HS6ST2: variants seen among roughly 807,000 people sequenced by gnomAD.
The protein encoded by HS6ST2 is heparan-sulfate 6-O-sulfotransferase 2.
A neutral mutation model predicts 33.0 loss-of-function variants in HS6ST2; 17 were observed. The ratio of observed to expected loss-of-function variants is 0.52; its 90% CI spans 0.35 to 0.77. The LOEUF is 0.77. Ranked by LOEUF, HS6ST2 falls within the 30% of genes least tolerant of loss-of-function variation. The probability of loss-of-function intolerance (pLI) is 0.01; values close to 1 mark genes in which losing one functional copy is unlikely to be tolerated. For missense variants in HS6ST2, 519 were observed against 551.7 expected (o/e 0.94, Z 0.59); for synonymous variants, 248 against 237.1 (o/e 1.05, Z -0.42).
rs139549366 is a variant in HS6ST2, at chrX:132,794,707, A to G, written c.948-86213T>C. ...CCCACAGTTCTGGGATTACAGGCGT[A>G]AGCCACTGCACCTGGCCCTCATTTA... On this transcript the variant is annotated intron_variant, in intron 2 of 4. Coordinates refer to ENST00000370833, the MANE Select transcript of HS6ST2 (RefSeq NM_001394073.1). 2.2e-3 allele frequency among the ~76,000 whole-genome samples: 244 copies of G among 111,139 alleles called. 1 individual carries two copies. The highest frequency in any genetic ancestry group is 7.2e-3 in the African/African-American group (220 of 30,503).
chrX:132,668,798 A>G (rs1441257243), intron 4 of HS6ST2, among the ~76,000 whole-genome samples: 1 of 111,067 alleles, frequency 9.0e-6, no homozygotes, highest in Non-Finnish European at 1.9e-5. Flanking sequence ...TTAATTCTTA[A>G]AACTTGTAAT....
At chrX:132,911,250 C>T (rs1364463090) in intron 2 of HS6ST2, among the ~76,000 whole-genome samples, 1 of 111,142 alleles carries the variant, frequency 9.0e-6, no homozygotes, top group Non-Finnish European at 1.9e-5. Flanking sequence ...CATTTCCTTC[C>T]CACCGCTCCT....
At chrX:132,929,188 C>T (rs948364021) in intron 2 of HS6ST2, among the ~76,000 whole-genome samples, 4 of 111,215 alleles carry the variant, frequency 3.6e-5, no homozygotes, top group Non-Finnish European at 7.5e-5. Flanking sequence ...TAGGTGAGTG[C>T]AACACGGAGC....
chrX:132,708,299 TAAAAAAAAAAA>T (rs36028236), intron 3 of HS6ST2, among the ~76,000 whole-genome samples, 152 bp downstream of exon 3: 1 of 21,212 alleles, frequency 4.7e-5, no homozygotes, highest in East Asian at 1.7e-3. Flanking sequence ...TGTTTTAAAC[TAAAAAAAAAAA>T]AAAAAAAAAA....
rs142640623 is a variant in HS6ST2 at position 132,714,964 on chromosome X, T to G, written c.948-6470A>C. On this transcript the variant is annotated intron_variant, in intron 2 of 4. Transcript: ENST00000370833. The stretch of plus-strand genomic sequence containing the variant: ...GCTTAGTGTGGTCACTCTCTGAGGT[T>G]ATATTTGGACTGAGCCATAAACCTA... 2.4e-3 allele frequency among the ~76,000 whole-genome samples: 267 copies of G among 111,949 alleles called. 2 individuals are homozygous for G. Among genetic ancestry groups the G allele is most frequent in the Non-Finnish European group, 4.6e-3 (244 of 53,194 alleles).
chrX:132,686,575 A>G (rs2064017533), intron 3 of HS6ST2, among the ~76,000 whole-genome samples: 1 of 111,713 alleles, frequency 9.0e-6, no homozygotes, highest in Non-Finnish European at 1.9e-5. Flanking sequence ...GATTGTTGAG[A>G]AGAGTGCCAC....
chrX:132,824,745 G>A (rs1330867843), intron 2 of HS6ST2, among the ~76,000 whole-genome samples: 2 of 112,530 alleles, frequency 1.8e-5, no homozygotes, highest in African/African-American at 6.5e-5. Context: ...AAAAGTCATT[G>A]CTTTTCTCTT....
intron 2 of HS6ST2, among the ~76,000 whole-genome samples, chrX:132,760,942 C>T (rs1156521020): frequency 9.0e-6 from 1 of 111,336 alleles, no homozygotes; most frequent in African/African-American, 3.3e-5. Context: ...TGATAACTAA[C>T]AAGACTTGCA....
chrX:132,820,771 C>T (rs1357966121), intron 2 of HS6ST2, among the ~76,000 whole-genome samples: 3 of 118 alleles, frequency 0.025, no homozygotes, highest in African/African-American at 0.075. Context: ...GATCAAGGGC[C>T]GGAGTGCTCT....
intron 2 of HS6ST2, among the ~76,000 whole-genome samples, chrX:132,742,119 A>G (rs781309282): frequency 7.1e-5 from 8 of 112,044 alleles, no homozygotes; most frequent in Non-Finnish European, 1.5e-4. Flanking sequence ...AAGGTCTTGT[A>G]TGGTCAGCCA....
At chrX:132,630,419 GC>G (rs750234282) in intron 4 of HS6ST2, among the ~76,000 whole-genome samples, 2 of 111,215 alleles carry the variant, frequency 1.8e-5, no homozygotes, top group South Asian at 7.7e-4. Flanking sequence ...CCCAACTGGG[GC>G]TTCCATCACC....
At position 132,957,301 on chromosome X, in the gene HS6ST2, T is replaced by G. The variant is rs1268346826; in HGVS notation, c.454A>C (p.Asn152His). The change falls in exon 2 of 5, where the codon AAC becomes CAC. Residue 152 changes from asparagine to histidine, a missense_variant. Asn to His is a moderately conservative substitution (Grantham distance 68). Coordinates refer to ENST00000370833, the MANE Select transcript of HS6ST2 (RefSeq NM_001394073.1). ...ASVGNMDEKSNKLLLALVMLF... is the reference protein window; with the variant it reads ...ASVGNMDEKSHKLLLALVMLF... ...ATCACCAAAGCTAGCAGCAGCTTGT[T>G]GGATTTCTCATCCATGTTCCCGACG... is the stretch of plus-strand genomic sequence containing the variant. 8.6e-7 allele frequency: 1 copy of G among 1,164,085 alleles called. No individual in the cohort carries two copies. The highest frequency in any genetic ancestry group is 1.8e-5 in the African/African-American group (1 of 55,939).
chrX:132,870,867 T>C (rs750128003), intron 2 of HS6ST2, among the ~76,000 whole-genome samples: 40 of 111,367 alleles, frequency 3.6e-4, no homozygotes, highest in Non-Finnish European at 1.7e-4. Flanking sequence ...AAAGACTTCA[T>C]GACTAAAAGA....
At chrX:132,778,845 A>G (rs2064991588) in intron 2 of HS6ST2, among the ~76,000 whole-genome samples, 1 of 112,059 alleles carries the variant, frequency 8.9e-6, no homozygotes, top group African/African-American at 3.2e-5. Flanking sequence ...GCTGCCAGCT[A>G]TCAGAACATT....
Position 132,936,778 on chromosome X carries a change from C to A in HS6ST2, c.947+20030G>T, listed in dbSNP as rs770050468. Reference sequence around the variant, plus strand: ...ATGCCCACTACCTGGGTCATGAAATCATTTGTACACCAAACCCCAGTGACA... The same window carrying A: ...ATGCCCACTACCTGGGTCATGAAATAATTTGTACACCAAACCCCAGTGACA... On this transcript the variant is annotated intron_variant, in intron 2 of 4. Coordinates refer to ENST00000370833, the MANE Select transcript of HS6ST2 (RefSeq NM_001394073.1). Among the ~76,000 whole-genome samples, 5 of 109,781 alleles carry A rather than the reference C, an allele frequency of 4.6e-5. No homozygotes were observed. In the South Asian group the frequency reaches 2.0e-3, roughly 43 times the overall value.
intron 2 of HS6ST2, among the ~76,000 whole-genome samples, chrX:132,793,398 T>C (rs1202987764): frequency 9.0e-6 from 1 of 110,949 alleles, no homozygotes; most frequent in East Asian, 2.8e-4. Flanking sequence ...CTGTGCTAGA[T>C]GCTGGGCTTG....
chrX:132,864,953 T>A (rs1422056383), intron 2 of HS6ST2, among the ~76,000 whole-genome samples: 1 of 111,521 alleles, frequency 9.0e-6, no homozygotes, highest in Non-Finnish European at 1.9e-5. Flanking sequence ...GGGGCCAATA[T>A]TCAACATTCT....
At chrX:132,677,782 T>C (rs150363042) in intron 3 of HS6ST2, among the ~76,000 whole-genome samples, 1 of 112,330 alleles carries the variant, frequency 8.9e-6, no homozygotes, top group Non-Finnish European at 1.9e-5. Context: ...GTTGCCATAC[T>C]AACTGGAAGC....
chrX:132,881,228 T>C (rs1048048961), intron 2 of HS6ST2, among the ~76,000 whole-genome samples: 18 of 110,553 alleles, frequency 1.6e-4, no homozygotes, highest in Non-Finnish European at 3.2e-4. Context: ...GTTGAACTAG[T>C]TTACAGTCCC....
Sources: gnomAD v4.1 joint callset for allele counts (sites outside exome capture counted in the v4.1 genomes callset) on GRCh38, gnomAD v4.1.1 for gene constraint, MANE v1.5 for transcripts, NCBI Gene and HGNC (gene_info 2026-07-23, HGNC 2026-07-21) for gene names.